Variants in FBXO42 observed in about 807,000 individuals in gnomAD.
FBXO42 encodes the protein F-box protein 42.
In FBXO42, 12 loss-of-function variants were observed where a neutral mutation model predicts 71.7. The ratio of observed to expected loss-of-function variants is 0.17; its 90% CI spans 0.11 to 0.27. The LOEUF is 0.27. FBXO42 is among the 10% of genes least tolerant of loss of function. The probability of loss-of-function intolerance (pLI) is 1.00; values close to 1 mark genes in which losing one functional copy is unlikely to be tolerated. For synonymous variants in FBXO42, 325 were observed against 327.5 expected (o/e 0.99, Z 0.08); for missense variants, 707 against 911.9 (o/e 0.78, Z 2.89).
intron 2 of FBXO42, among the ~76,000 whole-genome samples, chr1:16,314,942 C>T (rs1044164590): frequency 1.5e-4 from 23 of 151,442 alleles, no homozygotes; most frequent in African/African-American, 5.6e-4. Context: ...GAATATGAAG[C>T]TTTTAAAAAC....
chr1:16,278,016 TGG>T (rs2081923095), intron 4 of FBXO42, among the ~76,000 whole-genome samples: 1 of 150,558 alleles, frequency 6.6e-6, no homozygotes, highest in Non-Finnish European at 1.5e-5. Flanking sequence ...TACTCCAGCC[TGG>T]GTGATGGAGT....
chr1:16,315,496 G>A, intron 1 of FBXO42, 61 bp from the exon 2 acceptor site: 1 of 1,515,600 alleles, frequency 6.6e-7, no homozygotes, highest in Non-Finnish European at 9.0e-7. Flanking sequence ...AACAATTCAG[G>A]CATGTACATC....
rs1553150254 is a variant in FBXO42, at chr1:16,270,751, T to TGCACAC, written c.503-13993_503-13992insGTGTGC. On this transcript the variant is annotated intron_variant, in intron 4 of 9. Transcript: ENST00000375592. ...TCCAAATCCCTTACTTACCATGAGA[T>TGCACAC]ACACACACACACACACACACACACA... 8.5e-4 allele frequency among the ~76,000 whole-genome samples: 94 copies of TGCACAC among 111,002 alleles called. 1 individual carries two copies. The highest frequency in any genetic ancestry group is 2.7e-3 in the African/African-American group (75 of 28,184). The allele number at this position is 111,002 out of a possible 152,430, so 72.8% of individuals were successfully genotyped here.
chr1:16,323,867 A>C (rs1338789778), intron 1 of FBXO42, among the ~76,000 whole-genome samples: 2 of 151,264 alleles, frequency 1.3e-5, no homozygotes, highest in African/African-American at 4.9e-5. Flanking sequence ...AGAAGAAGGG[A>C]CTGGACTGAA....
intron 1 of FBXO42, among the ~76,000 whole-genome samples, chr1:16,318,543 A>T (rs1363787092): frequency 6.6e-6 from 1 of 152,176 alleles, no homozygotes; most frequent in Non-Finnish European, 1.5e-5. Context: ...CTACAAAGAA[A>T]GCATACACAT....
At chr1:16,264,174 C>T (rs1312698857) in intron 4 of FBXO42, among the ~76,000 whole-genome samples, 1 of 152,072 alleles carries the variant, frequency 6.6e-6, no homozygotes, top group Non-Finnish European at 1.5e-5. Context: ...GAAGAACTGC[C>T]CGAATGTGCA....
chr1:16,319,185 G>A (rs1343196801), intron 1 of FBXO42, among the ~76,000 whole-genome samples: 1 of 152,106 alleles, frequency 6.6e-6, no homozygotes, highest in Non-Finnish European at 1.5e-5. Flanking sequence ...GAGTAATCTC[G>A]AAATATACTT....
chr1:16,275,635 A>G (rs2081892047), intron 4 of FBXO42, among the ~76,000 whole-genome samples: 2 of 152,150 alleles, frequency 1.3e-5, no homozygotes, highest in Admixed American at 1.3e-4. Flanking sequence ...AAAAACAGAA[A>G]AGGAAGAATA....
At chr1:16,279,725 T>C (rs1189750899) in intron 4 of FBXO42, among the ~76,000 whole-genome samples, 1 of 151,806 alleles carries the variant, frequency 6.6e-6, no homozygotes, top group Non-Finnish European at 1.5e-5. Context: ...AGCAATAGAC[T>C]ATAAAAAAGA....
At chr1:16,284,104 G>A (rs1175583881) in intron 4 of FBXO42, among the ~76,000 whole-genome samples, 1 of 152,116 alleles carries the variant, frequency 6.6e-6, no homozygotes, top group African/African-American at 2.4e-5. Context: ...TTGAACAAAG[G>A]CTAAGTCATA....
At chr1:16,323,794 C>CA (rs1158421632) in intron 1 of FBXO42, among the ~76,000 whole-genome samples, 1,272 of 62,596 alleles carry the variant, frequency 0.02, 38 homozygotes, top group African/African-American at 0.053. Context: ...GACTCTGTCT[C>CA]AAAAAAAAAA....
intron 1 of FBXO42, among the ~76,000 whole-genome samples, chr1:16,336,070 T>C (rs1397701438): frequency 6.6e-6 from 1 of 151,656 alleles, no homozygotes; most frequent in Non-Finnish European, 1.5e-5. Context: ...CCTAAGTTGC[T>C]GGGATTACAG....
At chr1:16,283,560 C>T (rs1273750986) in intron 4 of FBXO42, among the ~76,000 whole-genome samples, 1 of 130,812 alleles carries the variant, frequency 7.6e-6, no homozygotes, top group African/African-American at 2.9e-5. Context: ...TGCAGTGGCA[C>T]AATCTTGGCT....
chr1:16,274,155 A>G (rs1388455578), intron 4 of FBXO42, among the ~76,000 whole-genome samples: 4 of 151,326 alleles, frequency 2.6e-5, no homozygotes, highest in Non-Finnish European at 4.4e-5. Flanking sequence ...ACAAAAACTA[A>G]ATTAGTCAGG....
chr1:16,295,475 C>T (rs998870994), intron 3 of FBXO42, among the ~76,000 whole-genome samples: 1 of 152,042 alleles, frequency 6.6e-6, no homozygotes, highest in African/African-American at 2.4e-5. Context: ...ACTGCAACAT[C>T]TGCCTCCCAG....
rs954915274 is a variant in FBXO42 at position 16,322,508 on chromosome 1, G to A, written c.-17-7073C>T. Reference sequence around the variant, plus strand: ...GGAGAATTGCTTGAACCTGGGAGGCGGAGGTTGCAGTGAGCTGAGATCGCA... The same window carrying A: ...GGAGAATTGCTTGAACCTGGGAGGCAGAGGTTGCAGTGAGCTGAGATCGCA... On this transcript the variant is annotated intron_variant, in intron 1 of 9. Coordinates refer to ENST00000375592, the MANE Select transcript of FBXO42 (RefSeq NM_018994.3). Among the ~76,000 whole-genome samples the A allele has an allele frequency of 3.9e-5, 6 of 152,096 alleles. No individual in the cohort carries two copies. The South Asian group carries it at 6.2e-4, about 16-fold the overall frequency.
intron 1 of FBXO42, among the ~76,000 whole-genome samples, chr1:16,321,716 A>G (rs555917939): frequency 1.3e-4 from 19 of 149,378 alleles, no homozygotes; most frequent in Non-Finnish European, 2.4e-4. Context: ...TTTTAAAGAT[A>G]GGGTTCTGCT....
intron 4 of FBXO42, among the ~76,000 whole-genome samples, chr1:16,268,327 T>C (rs2081801213): frequency 6.6e-6 from 1 of 152,224 alleles, no homozygotes; most frequent in Non-Finnish European, 1.5e-5. Context: ...TATACAAATT[T>C]TCCCACTCTT....
chr1:16,266,231 CAT>C (rs1402669111), intron 4 of FBXO42, among the ~76,000 whole-genome samples: 2 of 145,038 alleles, frequency 1.4e-5, no homozygotes, highest in African/African-American at 2.9e-5. Flanking sequence ...ATAGAGTAAA[CAT>C]GTGTTAGGAT....
Sources: gnomAD v4.1 joint callset for allele counts (sites outside exome capture counted in the v4.1 genomes callset) on GRCh38, gnomAD v4.1.1 for gene constraint, MANE v1.5 for transcripts, NCBI Gene and HGNC (gene_info 2026-07-23, HGNC 2026-07-21) for gene names.